The following GPC6 variants were observed in gnomAD, a reference collection of about 807,000 sequenced individuals.
The protein encoded by GPC6 is glypican-6.
GPC6 carries 14 observed loss-of-function variants against 55.2 expected under a neutral mutation model. That is an observed-to-expected ratio of 0.25 (90% CI 0.17 to 0.40). The LOEUF is 0.40. GPC6 is among the 10% of genes least tolerant of loss of function. GPC6 has a pLI of 1.00. For missense variants in GPC6, 641 were observed against 708.5 expected (o/e 0.90, Z 1.08); for synonymous variants, 278 against 259.6 (o/e 1.07, Z -0.68).
chr13:93,687,770 C>T (rs1350049012), intron 2 of GPC6, among the ~76,000 whole-genome samples: 4 of 138,056 alleles, frequency 2.9e-5, no homozygotes, highest in Non-Finnish European at 6.4e-5. Flanking sequence ...GCCAAGGCTA[C>T]TACGTATCAT....
At chr13:94,153,540 C>T (rs1887820190) in intron 4 of GPC6, among the ~76,000 whole-genome samples, 1 of 152,138 alleles carries the variant, frequency 6.6e-6, no homozygotes, top group South Asian at 2.1e-4. Context: ...TTTCCACGAC[C>T]CTCAGCTGGT....
rs115333714 is a variant in GPC6, at chr13:93,410,789, C to G, written c.161-134474C>G. Among the ~76,000 whole-genome samples the G allele has an allele frequency of 2.0e-3, 309 of 152,244 alleles. 1 individual carries two copies. The highest frequency in any genetic ancestry group is 6.0e-3 in the African/African-American group (248 of 41,556). On this transcript the variant is annotated intron_variant, in intron 1 of 8. Coordinates refer to ENST00000377047, the MANE Select transcript of GPC6 (RefSeq NM_005708.5). ...TGTAGCTTCTGAAAAGCAATTATAACTTTCATCTTAAACTTCTTTCAATGA... is the reference window on the plus strand; with the variant it reads ...TGTAGCTTCTGAAAAGCAATTATAAGTTTCATCTTAAACTTCTTTCAATGA...
At chr13:94,395,329 CG>C (rs1880850809) in intron 7 of GPC6, among the ~76,000 whole-genome samples, 1 of 152,136 alleles carries the variant, frequency 6.6e-6, no homozygotes, top group African/African-American at 2.4e-5. Context: ...TATGAGTCCA[CG>C]GCTTTTAAAA....
chr13:93,577,945 T>C (rs2139484216), intron 2 of GPC6, among the ~76,000 whole-genome samples: 1 of 152,278 alleles, frequency 6.6e-6, no homozygotes, highest in South Asian at 2.1e-4. Context: ...TCTAATACTT[T>C]TCAGCATCAA....
chr13:93,293,737 T>A (rs1878390817), intron 1 of GPC6, among the ~76,000 whole-genome samples: 1 of 152,222 alleles, frequency 6.6e-6, no homozygotes, highest in Non-Finnish European at 1.5e-5. Context: ...TTTCATTCTA[T>A]TTTTGCCCAT....
At chr13:93,446,606 C>T (rs931890414) in intron 1 of GPC6, among the ~76,000 whole-genome samples, 7 of 152,046 alleles carry the variant, frequency 4.6e-5, no homozygotes, top group Non-Finnish European at 8.8e-5. Flanking sequence ...GACTACAACC[C>T]GTTTTCTTGA....
chr13:94,006,617 T>C (rs1191150149), intron 3 of GPC6, among the ~76,000 whole-genome samples: 1 of 152,154 alleles, frequency 6.6e-6, no homozygotes, highest in Admixed American at 6.6e-5. Flanking sequence ...CATGGCAGAT[T>C]AGCATTCAAA....
intron 2 of GPC6, among the ~76,000 whole-genome samples, chr13:93,679,687 T>G (rs1192849561): frequency 6.6e-6 from 1 of 152,142 alleles, no homozygotes; most frequent in African/African-American, 2.4e-5. Context: ...TTTGTGATCT[T>G]TCTGAATATT....
intron 4 of GPC6, among the ~76,000 whole-genome samples, chr13:94,140,992 C>T (rs1887356257): frequency 6.6e-6 from 1 of 151,752 alleles, no homozygotes; most frequent in Admixed American, 6.6e-5. Context: ...GCAAACAAAA[C>T]AAAAACAAAC....
chr13:93,643,553 AT>A (rs1056404037), intron 2 of GPC6, among the ~76,000 whole-genome samples: 2 of 152,088 alleles, frequency 1.3e-5, no homozygotes, highest in African/African-American at 4.8e-5. Flanking sequence ...AGTAAGAGCT[AT>A]TTTAAGAAAG....
At chr13:94,149,976 C>T (rs2138893808) in intron 4 of GPC6, among the ~76,000 whole-genome samples, 1 of 143,168 alleles carries the variant, frequency 7.0e-6, no homozygotes, top group African/African-American at 2.8e-5. Flanking sequence ...TGTTCCCAGT[C>T]ACCTCAGGAA....
chr13:93,755,497 C>T (rs1273397778), intron 2 of GPC6, among the ~76,000 whole-genome samples: 1 of 152,200 alleles, frequency 6.6e-6, no homozygotes, highest in Non-Finnish European at 1.5e-5. Context: ...TCTTCTCACT[C>T]ACTGAAATTC....
intron 2 of GPC6, among the ~76,000 whole-genome samples, chr13:93,567,285 A>G (rs184684097): frequency 2.1e-4 from 32 of 152,314 alleles, no homozygotes; most frequent in African/African-American, 7.5e-4. Context: ...TGTTTGTTTG[A>G]GTCAAAGGAG....
chr13:93,642,417 A>G (rs552921231), intron 2 of GPC6, among the ~76,000 whole-genome samples: 2 of 152,036 alleles, frequency 1.3e-5, no homozygotes, highest in African/African-American at 4.8e-5. Flanking sequence ...AGTTAATCCC[A>G]TATTTTTGCT....
At chr13:94,198,122 C>T (rs1889637537) in intron 4 of GPC6, among the ~76,000 whole-genome samples, 3 of 152,084 alleles carry the variant, frequency 2.0e-5, no homozygotes, top group African/African-American at 7.2e-5. Context: ...ACAGGTGTTT[C>T]AGCTGTTAAG....
intron 1 of GPC6, among the ~76,000 whole-genome samples, chr13:93,454,221 C>T (rs550030005): frequency 8.1e-5 from 12 of 148,272 alleles, no homozygotes; most frequent in East Asian, 4.0e-4. Flanking sequence ...GGTGTATTTA[C>T]GATCCCTGAG....
intron 1 of GPC6, among the ~76,000 whole-genome samples, chr13:93,441,331 T>C (rs538177716): frequency 9.9e-5 from 15 of 151,468 alleles, no homozygotes; most frequent in Admixed American, 9.2e-4. Context: ...AGTGTTCCTA[T>C]TTTTCCACAT....
chr13:93,450,464 G>C (rs1566364112), intron 1 of GPC6, among the ~76,000 whole-genome samples: 1 of 152,182 alleles, frequency 6.6e-6, no homozygotes, highest in Admixed American at 6.5e-5. Flanking sequence ...AGTAAGGAAA[G>C]TTGTTGTCAT....
chr13:93,958,295 A>G (rs1217203071), intron 3 of GPC6, among the ~76,000 whole-genome samples: 2 of 152,110 alleles, frequency 1.3e-5, no homozygotes, highest in Non-Finnish European at 2.9e-5. Flanking sequence ...GCCAAAGAAG[A>G]ATATTTTCTA....
Sources: gnomAD v4.1 joint callset for allele counts (sites outside exome capture counted in the v4.1 genomes callset) on GRCh38, gnomAD v4.1.1 for gene constraint, MANE v1.5 for transcripts, NCBI Gene and HGNC (gene_info 2026-07-23, HGNC 2026-07-21) for gene names.